Variants in WDPCP observed in about 807,000 individuals in gnomAD.
WDPCP encodes the protein WD repeat containing planar cell polarity effector, also known as WD repeat-containing and planar cell polarity effector protein fritz homolog.
In WDPCP, 71 loss-of-function variants were observed where a neutral mutation model predicts 93.1. The observed-to-expected ratio is 0.76, with a 90% confidence interval of 0.63 to 0.93. The LOEUF is 0.93. Among genes scored for constraint, WDPCP ranks in the 40% least tolerant of loss-of-function variants. The pLI is 0.00. For synonymous variants in WDPCP, 315 were observed against 315.0 expected (o/e 1.00, Z 0.00); for missense variants, 844 against 887.4 (o/e 0.95, Z 0.62).
chr2:63,527,456 G>A (rs965412608), intron 1 of WDPCP, among the ~76,000 whole-genome samples: 2 of 146,258 alleles, frequency 1.4e-5, no homozygotes, highest in Non-Finnish European at 3.0e-5. Flanking sequence ...AGCTATGAGT[G>A]AGAACATGCA....
chr2:63,283,452 A>G (rs1683727054), intron 13 of WDPCP, among the ~76,000 whole-genome samples: 1 of 152,244 alleles, frequency 6.6e-6, no homozygotes, highest in Non-Finnish European at 1.5e-5. Context: ...TGAGCCAAAT[A>G]CAGCCTATGA....
intron 14 of WDPCP, among the ~76,000 whole-genome samples, chr2:63,238,002 T>C (rs1182453043): frequency 7.1e-6 from 1 of 140,352 alleles, no homozygotes; most frequent in Non-Finnish European, 1.5e-5. Flanking sequence ...AAATATTTTC[T>C]AAAAAAAAAA....
intron 2 of WDPCP, among the ~76,000 whole-genome samples, chr2:63,660,074 T>C (rs1710209336): frequency 6.6e-6 from 1 of 152,140 alleles, no homozygotes; most frequent in Non-Finnish European, 1.5e-5. Context: ...AAACCAAGAG[T>C]TCTGATTCCC....
intron 4 of WDPCP, 84 bp downstream of exon 4, chr2:63,486,458 T>A (rs1042111651): frequency 1.5e-6 from 2 of 1,294,938 alleles, no homozygotes; most frequent in Non-Finnish European, 1.1e-6. Flanking sequence ...GGGAATAAAG[T>A]TTCCTCTTTG....
At chr2:63,237,396 G>A (rs530766612) in intron 14 of WDPCP, among the ~76,000 whole-genome samples, 1 of 152,188 alleles carries the variant, frequency 6.6e-6, no homozygotes, top group Non-Finnish European at 1.5e-5. Context: ...GCAAAAATCA[G>A]TTCAGCCCCA....
At chr2:63,669,382 C>CG (rs1710319145) in intron 2 of WDPCP, among the ~76,000 whole-genome samples, 1 of 147,444 alleles carries the variant, frequency 6.8e-6, no homozygotes, top group Non-Finnish European at 1.5e-5. Flanking sequence ...TTTTTTGAGA[C>CG]TAAGTCTCAC....
chr2:63,597,449 G>A, intron 3 of WDPCP: 1 of 1,498,864 alleles, frequency 6.7e-7, no homozygotes. Flanking sequence ...CCTGGATGTG[G>A]CCATTCTTGT....
intron 3 of WDPCP, chr2:63,605,919 T>C: frequency 6.3e-7 from 1 of 1,597,550 alleles, no homozygotes; most frequent in Non-Finnish European, 8.6e-7. Context: ...CATGAGTATG[T>C]GAAACATTGT....
chr2:63,137,743 G>T (rs1283028023), intron 17 of WDPCP, among the ~76,000 whole-genome samples: 1 of 152,146 alleles, frequency 6.6e-6, no homozygotes, highest in Non-Finnish European at 1.5e-5. Flanking sequence ...ATGATCTAAT[G>T]AAGGGGTCCA....
chr2:63,405,070 C>A (rs897380041), intron 9 of WDPCP, among the ~76,000 whole-genome samples: 20 of 152,188 alleles, frequency 1.3e-4, no homozygotes, highest in African/African-American at 4.8e-4. Context: ...TAAGAACTTA[C>A]CAACACAAAG....
At chr2:63,197,864 C>A (rs1352727304) in intron 14 of WDPCP, among the ~76,000 whole-genome samples, 1 of 152,174 alleles carries the variant, frequency 6.6e-6, no homozygotes, top group African/African-American at 2.4e-5. Context: ...ATTGGGCCCA[C>A]CTGGATAATA....
intron 2 of WDPCP, among the ~76,000 whole-genome samples, chr2:63,808,576 G>T (rs923717971): frequency 6.5e-4 from 99 of 152,298 alleles, no homozygotes; most frequent in Non-Finnish European, 1.2e-3. Context: ...GCTCCTAACC[G>T]CCAGTGATCC....
At chr2:63,723,663 C>A (rs1026735592) in intron 2 of WDPCP, among the ~76,000 whole-genome samples, 1 of 145,968 alleles carries the variant, frequency 6.9e-6, no homozygotes, top group Non-Finnish European at 1.6e-5. Flanking sequence ...TTTCTCCCAA[C>A]AACTTAAACT....
At chr2:63,289,344 T>A (rs1684236743) in intron 13 of WDPCP, among the ~76,000 whole-genome samples, 1 of 152,144 alleles carries the variant, frequency 6.6e-6, no homozygotes, top group South Asian at 2.1e-4. Context: ...TATTTTATGC[T>A]ACATGTTATA....
intron 1 of WDPCP, among the ~76,000 whole-genome samples, chr2:63,503,816 C>T (rs1395463790): frequency 6.6e-6 from 1 of 151,626 alleles, no homozygotes; most frequent in Admixed American, 6.6e-5. Context: ...CTTATCTAAA[C>T]CAATGCTTAA....
intron 13 of WDPCP, among the ~76,000 whole-genome samples, chr2:63,286,159 C>A (rs1575061889): frequency 1.3e-5 from 2 of 152,186 alleles, no homozygotes; most frequent in Admixed American, 1.3e-4. Flanking sequence ...GCGCACACCA[C>A]CACACTCAAA....
intron 9 of WDPCP, among the ~76,000 whole-genome samples, chr2:63,423,306 G>C (rs1304295376): frequency 6.6e-6 from 1 of 152,180 alleles, no homozygotes; most frequent in Admixed American, 6.5e-5. Context: ...TTTTGGGGAA[G>C]ACAGGTTTCT....
chr2:63,498,930 G>A (rs1309732248), intron 1 of WDPCP, among the ~76,000 whole-genome samples: 1 of 152,180 alleles, frequency 6.6e-6, no homozygotes, highest in African/African-American at 2.4e-5. Flanking sequence ...CTCAAGCTTG[G>A]ACTAACCTAT....
chr2:63,669,108 A>G (rs1051434308), intron 2 of WDPCP, among the ~76,000 whole-genome samples: 1 of 152,202 alleles, frequency 6.6e-6, no homozygotes. Context: ...TCTGGTATGA[A>G]GTAGATAGTG....
Sources: allele counts gnomAD v4.1 joint callset (sites outside exome capture counted in the v4.1 genomes callset), GRCh38; gene constraint gnomAD v4.1.1; transcripts MANE v1.5; gene names NCBI Gene and HGNC (gene_info 2026-07-23, HGNC 2026-07-21).